CNIH3: variants seen among roughly 807,000 people sequenced by gnomAD.
The protein encoded by CNIH3 is protein cornichon homolog 3.
CNIH3 carries 14 observed loss-of-function variants against 24.1 expected under a neutral mutation model. The observed-to-expected ratio is 0.58, with a 90% CI of 0.38 to 0.91. The LOEUF is 0.91. Ranked by LOEUF, CNIH3 falls within the 40% of genes least tolerant of loss-of-function variation. The pLI is 0.00. For missense variants in CNIH3, 178 were observed against 196.8 expected (o/e 0.90, Z 0.57); for synonymous variants, 68 against 73.8 (o/e 0.92, Z 0.40).
chr1:224,645,534 G>T (rs950879854), intron 1 of CNIH3, among the ~76,000 whole-genome samples: 11 of 152,238 alleles, frequency 7.2e-5, no homozygotes, highest in African/African-American at 2.4e-4. Context: ...TCCCCATCAC[G>T]TGGTGACACT....
chr1:224,556,864 A>G (rs1680161146), intron 3 of CNIH3, among the ~76,000 whole-genome samples: 1 of 151,990 alleles, frequency 6.6e-6, no homozygotes, highest in Admixed American at 6.5e-5. Context: ...CTGGTATAAA[A>G]TTGCTCTCTA....
chr1:224,623,476 C>A (rs1331328327), intron 1 of CNIH3, among the ~76,000 whole-genome samples: 1 of 152,126 alleles, frequency 6.6e-6, no homozygotes. Flanking sequence ...CTCAGTATTG[C>A]CTTCTAACTC....
At chr1:224,449,116 C>T (rs994216167) in intron 1 of CNIH3, among the ~76,000 whole-genome samples, 2 of 152,020 alleles carry the variant, frequency 1.3e-5, no homozygotes, top group South Asian at 4.1e-4. Flanking sequence ...AGGTGCCTGC[C>T]ACCATGACCG....
At chr1:224,584,533 C>G (rs1040678415) in intron 5 of CNIH3, among the ~76,000 whole-genome samples, 1 of 152,158 alleles carries the variant, frequency 6.6e-6, no homozygotes, top group African/African-American at 2.4e-5. Context: ...TAAATCCTTC[C>G]TTTTTGGGAA....
intron 1 of CNIH3, among the ~76,000 whole-genome samples, chr1:224,509,197 T>A (rs1678038718): frequency 6.6e-6 from 1 of 152,030 alleles, no homozygotes; most frequent in Admixed American, 6.5e-5. Context: ...GTGGTACACA[T>A]CTGTAATCCC....
In CNIH3 at chr1:224,469,855, A is replaced by C. The variant is rs1477293030; in HGVS notation, n.203+34993A>C. 2.0e-5 allele frequency among the ~76,000 whole-genome samples: 3 copies of C among 152,094 alleles called. No homozygotes were observed. In the East Asian group the frequency reaches 5.8e-4, roughly 29 times the overall value. On this transcript the variant is annotated intron_variant and non_coding_transcript_variant, in intron 1 of 5. Coordinates refer to the CNIH3 transcript ENST00000471578. ...TTCCATGTGGTATCATTTTCCTTCTACTTTCAGGCCTTCCTTTAATATTTT... is the reference window on the plus strand; with the variant it reads ...TTCCATGTGGTATCATTTTCCTTCTCCTTTCAGGCCTTCCTTTAATATTTT...
chr1:224,576,155 A>G (rs894895453), intron 4 of CNIH3, among the ~76,000 whole-genome samples: 1 of 152,226 alleles, frequency 6.6e-6, no homozygotes, highest in Non-Finnish European at 1.5e-5. Context: ...TACTTACATG[A>G]ATCTACTATT....
intron 3 of CNIH3, among the ~76,000 whole-genome samples, chr1:224,698,232 A>G (rs1234143476): frequency 6.6e-6 from 1 of 152,250 alleles, no homozygotes. Flanking sequence ...ATACAAATGC[A>G]AAGTGCCATT....
chr1:224,480,561 T>A (rs1405163637), intron 1 of CNIH3, among the ~76,000 whole-genome samples: 2 of 152,236 alleles, frequency 1.3e-5, no homozygotes. Context: ...AGCACCCAAG[T>A]CACCTCTTGA....
chr1:224,720,872 A>G (rs1434495490), intron 3 of CNIH3, among the ~76,000 whole-genome samples: 4 of 152,176 alleles, frequency 2.6e-5, no homozygotes, highest in Non-Finnish European at 5.9e-5. Flanking sequence ...CCCAGGACAT[A>G]AAGGAAAAAG....
intron 1 of CNIH3, among the ~76,000 whole-genome samples, chr1:224,445,844 C>T (rs897357633): frequency 2.6e-5 from 4 of 152,116 alleles, no homozygotes; most frequent in Non-Finnish European, 4.4e-5. Flanking sequence ...TAAATATATT[C>T]TTCTGTGTTA....
chr1:224,725,307 A>G (rs115569646), intron 3 of CNIH3, among the ~76,000 whole-genome samples: 4,106 of 152,354 alleles, frequency 0.027, 71 homozygotes, highest in Middle Eastern at 0.048. Context: ...ACTGTCATTC[A>G]TAGTACATCC....
At chr1:224,443,518 A>T (rs914695063) in intron 1 of CNIH3, among the ~76,000 whole-genome samples, 7 of 152,160 alleles carry the variant, frequency 4.6e-5, no homozygotes, top group Admixed American at 1.3e-4. Flanking sequence ...GAGGGACAAG[A>T]CAGGAAAGGT....
intron 1 of CNIH3, among the ~76,000 whole-genome samples, chr1:224,471,042 TTTTGTTTG>T (rs200750410): frequency 6.6e-6 from 1 of 152,060 alleles, no homozygotes; most frequent in Non-Finnish European, 1.5e-5. Flanking sequence ...ATACTAGGTT[TTTTGTTTG>T]TTTGTTTGTT....
At chr1:224,723,299 A>G (rs892978) in intron 3 of CNIH3, among the ~76,000 whole-genome samples, 101,566 of 152,126 alleles carry the variant, frequency 0.67, 34,364 homozygotes, top group East Asian at 0.83. Context: ...ATCAGGAGCA[A>G]TGGGCAGCAG....
chr1:224,478,664 C>T (rs1405772463), intron 1 of CNIH3, among the ~76,000 whole-genome samples: 3 of 152,108 alleles, frequency 2.0e-5, no homozygotes, highest in Non-Finnish European at 2.9e-5. Context: ...TTATTTAGTT[C>T]GTTTGCTGAG....
chr1:224,454,211 C>T (rs984500111), intron 1 of CNIH3: 17 of 771,646 alleles, frequency 2.2e-5, no homozygotes, highest in Non-Finnish European at 2.7e-5. Context: ...CTTTATCTAC[C>T]CAATATTGTG....
intron 1 of CNIH3, among the ~76,000 whole-genome samples, chr1:224,667,921 G>C (rs937231886): frequency 6.6e-6 from 1 of 152,122 alleles, no homozygotes. Context: ...AAAGTATAGT[G>C]GCCGCTCCCA....
intron 4 of CNIH3, among the ~76,000 whole-genome samples, chr1:224,733,217 C>G (rs1689426141): frequency 6.6e-6 from 1 of 152,186 alleles, no homozygotes; most frequent in African/African-American, 2.4e-5. Context: ...AATTCCATCC[C>G]CATTTCACCG....
Sources: allele counts gnomAD v4.1 joint callset (sites outside exome capture counted in the v4.1 genomes callset), GRCh38; gene constraint gnomAD v4.1.1; transcripts MANE v1.5; gene names NCBI Gene and HGNC (gene_info 2026-07-23, HGNC 2026-07-21).